Variants in ZFYVE19 observed in about 807,000 individuals in gnomAD.
ZFYVE19 encodes abscission/NoCut checkpoint regulator.
A neutral mutation model predicts 62.8 loss-of-function variants in ZFYVE19; 49 were observed. The observed-to-expected ratio is 0.78, with a 90% CI of 0.62 to 0.99. ZFYVE19 has a LOEUF of 0.99. Among genes scored for constraint, ZFYVE19 ranks in the 50% least tolerant of loss-of-function variants. ZFYVE19 has a pLI of 0.00. For missense variants in ZFYVE19, 630 were observed against 601.9 expected (o/e 1.05, Z -0.49); for synonymous variants, 242 against 234.3 (o/e 1.03, Z -0.30).
In ZFYVE19 at chr15:40,807,442, G is replaced by A. The variant is rs1890279221; in HGVS notation, c.-148G>A. On this transcript the variant is annotated 5_prime_UTR_variant, in exon 1 of 11. Coordinates refer to ENST00000355341, the MANE Select transcript of ZFYVE19 (RefSeq NM_001077268.2). ...CATCTGTAAGAGCTCCTTGGTCACTGCCATGGTTCCGGCCTGACGGATTCG... is the reference window on the plus strand; with the variant it reads ...CATCTGTAAGAGCTCCTTGGTCACTACCATGGTTCCGGCCTGACGGATTCG... The A allele has an allele frequency of 1.2e-6, 2 of 1,614,240 alleles. No individual in the cohort carries two copies. Among genetic ancestry groups the A allele is most frequent in the Non-Finnish European group, 8.5e-7 (1 of 1,180,026 alleles).
intron 6 of ZFYVE19, 22 bp downstream of exon 6, chr15:40,810,779 C>T: frequency 6.4e-7 from 1 of 1,551,950 alleles, no homozygotes; most frequent in Non-Finnish European, 8.7e-7. Context: ...ACTTGGCTCC[C>T]TAGGAATCTG....
rs1431590873 is a variant in ZFYVE19 at position 40,814,487 on chromosome 15, G to A, written c.*261G>A. 1 of 532,802 alleles carries A rather than the reference G, an allele frequency of 1.9e-6. No homozygotes were observed. Among genetic ancestry groups the A allele is most frequent in the African/African-American group, 1.9e-5 (1 of 52,364 alleles). 33.0% of individuals were successfully genotyped at this position (532,802 alleles called of 1,614,324 possible). ...GGGGAGAGACCAGACTGAATCTACG[G>A]GTGAGCCCTGTAACCTGGCTCTAGG... On this transcript the variant is annotated 3_prime_UTR_variant, in exon 11 of 11. Transcript: ENST00000355341.
chr15:40,811,508 C>T (rs549802452), intron 6 of ZFYVE19, among the ~76,000 whole-genome samples: 421 of 152,250 alleles, frequency 2.8e-3, no homozygotes, highest in Middle Eastern at 0.014. Context: ...AAGAATTACC[C>T]GGTCCAAAGT....
intron 1 of ZFYVE19, 116 bp from the exon 2 acceptor site, chr15:40,809,003 C>A: frequency 6.7e-7 from 1 of 1,495,730 alleles, no homozygotes; most frequent in Admixed American, 1.9e-5. Flanking sequence ...CCTCTTCTTC[C>A]TCCCAGCAGC....
rs1890617364 is a variant in ZFYVE19 at position 40,814,767 on chromosome 15, C to G, written c.*541C>G. 1 of 163,184 alleles carries G rather than the reference C, an allele frequency of 6.1e-6. No individual in the cohort carries two copies. Among genetic ancestry groups the G allele is most frequent in the South Asian group, 1.6e-4 (1 of 6,174 alleles). 10.1% of individuals were successfully genotyped at this position (163,184 alleles called of 1,614,324 possible). Reference sequence around the variant, plus strand: ...TGTATTCATTCAACTCAACTGTGCTCCAGCTCTGGGCAGCCCCACTTAGCC... The same window carrying G: ...TGTATTCATTCAACTCAACTGTGCTGCAGCTCTGGGCAGCCCCACTTAGCC... On this transcript the variant is annotated 3_prime_UTR_variant, in exon 11 of 11. Transcript: ENST00000355341.
rs1890395882 is a variant in ZFYVE19 at position 40,809,224 on chromosome 15, C to T, written c.385C>T (p.His129Tyr). The T allele has an allele frequency of 1.9e-6, 3 of 1,614,206 alleles. No homozygotes were observed. The highest frequency in any genetic ancestry group is 1.7e-6 in the Non-Finnish European group (2 of 1,180,038). The stretch of plus-strand genomic sequence containing the variant: ...CCAACAGAAAGTCTGCAAGCAATGC[C>T]ATGAGGTCCTGACCAGGTAAGAGGC... ...NTQQKVCKQCHEVLTRGSSAN... is the reference protein window; with the variant it reads ...NTQQKVCKQCYEVLTRGSSAN... The change falls in exon 2 of 11, where the codon CAT becomes TAT. Residue 129 changes from histidine (H) to tyrosine (Y), a missense_variant. Physicochemically the swap from His to Tyr is moderately conservative, Grantham distance 83. Transcript: ENST00000355341.
At chr15:40,810,795 C>T (rs1421468495) in intron 6 of ZFYVE19, 38 bp downstream of exon 6, 3 of 1,550,122 alleles carry the variant, frequency 1.9e-6, no homozygotes, top group East Asian at 4.9e-5. Flanking sequence ...ATCTGCCCTA[C>T]CTCTTTCCCC....
rs1890618073 is a variant in ZFYVE19, at chr15:40,814,779, A to AG, written c.*554dup. ...ACTCAACTGTGCTCCAGCTCTGGGC[A>AG]GCCCCACTTAGCCACCAGTCCCCAC... On this transcript the variant is annotated 3_prime_UTR_variant, in exon 11 of 11. Transcript: ENST00000355341. 3 of 161,124 alleles carry AG rather than the reference A, an allele frequency of 1.9e-5. No homozygotes were observed. The South Asian group carries it at 5.2e-4, about 28-fold the overall frequency. The allele number at this position is 161,124 out of a possible 1,614,324, so 10.0% of individuals were successfully genotyped here.
At chr15:40,811,597 G>C (rs1268503148) in intron 6 of ZFYVE19, among the ~76,000 whole-genome samples, 7 of 130,136 alleles carry the variant, frequency 5.4e-5, no homozygotes, top group African/African-American at 8.5e-5. Flanking sequence ...TATGAGGCCA[G>C]GTGTGGCTCA....
At chr15:40,810,881 C>G in intron 6 of ZFYVE19, 124 bp downstream of exon 6, 2 of 1,289,668 alleles carry the variant, frequency 1.6e-6, no homozygotes, top group Non-Finnish European at 1.1e-6. Context: ...ATAAGAGTTA[C>G]CATTCATTGA....
In ZFYVE19 at chr15:40,811,472, A is replaced by G. The variant is rs529139139; in HGVS notation, c.826+715A>G. 4.3e-4 allele frequency among the ~76,000 whole-genome samples: 65 copies of G among 152,352 alleles called. 1 individual carries two copies. Among genetic ancestry groups the G allele is most frequent in the African/African-American group, 1.0e-3 (42 of 41,570 alleles). Reference sequence around the variant, plus strand: ...AGCCAGGGATGCTACTAAATCTACTATGTCACAGGACAGCACATCATGATG... The same window carrying G: ...AGCCAGGGATGCTACTAAATCTACTGTGTCACAGGACAGCACATCATGATG... On this transcript the variant is annotated intron_variant, in intron 6 of 10. Coordinates refer to ENST00000355341, the MANE Select transcript of ZFYVE19 (RefSeq NM_001077268.2).
Position 40,814,538 on chromosome 15 carries a change from G to A in ZFYVE19, c.*312G>A, listed in dbSNP as rs985160903. ...GCACAGGCCCCTCCCCTGGCACTTAGTGGGTCTAATAAAGTATGTTGATTC... is the reference window on the plus strand; with the variant it reads ...GCACAGGCCCCTCCCCTGGCACTTAATGGGTCTAATAAAGTATGTTGATTC... On this transcript the variant is annotated 3_prime_UTR_variant, in exon 11 of 11. Coordinates refer to ENST00000355341, the MANE Select transcript of ZFYVE19 (RefSeq NM_001077268.2). 4.1e-5 allele frequency: 18 copies of A among 442,684 alleles called. No homozygotes were observed. The highest frequency in any genetic ancestry group is 1.3e-3 in the Middle Eastern group (2 of 1,518). 27.4% of individuals were successfully genotyped at this position (442,684 alleles called of 1,614,324 possible). A position where few individuals can be genotyped will look rare whatever the true frequency, so the allele number is the denominator to read the frequency against.
chr15:40,814,399 A>T lies in ZFYVE19; in HGVS notation c.*173A>T. 1.3e-6 allele frequency: 1 copy of T among 766,146 alleles called. No homozygotes were observed. The allele number at this position is 766,146 out of a possible 1,614,324, so 47.5% of individuals were successfully genotyped here. A position where few individuals can be genotyped will look rare whatever the true frequency, so the allele number is the denominator to read the frequency against. On this transcript the variant is annotated 3_prime_UTR_variant, in exon 11 of 11. Transcript: ENST00000355341. Reference sequence around the variant, plus strand: ...GAAAGATTCTCCATTCGAGAGAATGACTGGGAGGGAAGAAGTCGGGGCCCT... The same window carrying T: ...GAAAGATTCTCCATTCGAGAGAATGTCTGGGAGGGAAGAAGTCGGGGCCCT...
chr15:40,814,195 A>G lies in ZFYVE19; in HGVS notation c.1385A>G (p.Tyr462Cys), dbSNP rs755913676. The change falls in exon 11 of 11, where the codon TAC (tyrosine) becomes TGC (cysteine). Residue 462 changes from tyrosine to cysteine, a missense_variant. By Grantham distance (194) the Tyr-to-Cys change is radical. Transcript: ENST00000355341. ...CTTAAAGAGCACCAGACATCTGCCTACTCTCCTCCACGTGCAGGCCAAGAG... is the reference window on the plus strand; with the variant it reads ...CTTAAAGAGCACCAGACATCTGCCTGCTCTCCTCCACGTGCAGGCCAAGAG... ...FELKEHQTSAYSPPRAGQEH is the reference protein window; with the variant it reads ...FELKEHQTSACSPPRAGQEH The G allele has an allele frequency of 1.3e-5, 21 of 1,613,888 alleles. No homozygotes were observed. Among genetic ancestry groups the G allele is most frequent in the Non-Finnish European group, 1.6e-5 (19 of 1,180,002 alleles).
chr15:40,814,445 G>A lies in ZFYVE19; in HGVS notation c.*219G>A. ...GCCCTCCTATTAGAAGCCCAGACTG[G>A]AAGTGAGAGGCATGATGGGGAGAGA... On this transcript the variant is annotated 3_prime_UTR_variant, in exon 11 of 11. Coordinates refer to ENST00000355341, the MANE Select transcript of ZFYVE19 (RefSeq NM_001077268.2). 1.7e-6 allele frequency: 1 copy of A among 601,872 alleles called. No homozygotes were observed. The highest frequency in any genetic ancestry group is 2.0e-5 in the South Asian group (1 of 50,934). The allele number at this position is 601,872 out of a possible 1,614,324, so 37.3% of individuals were successfully genotyped here. A position where few individuals can be genotyped will look rare whatever the true frequency, so the allele number is the denominator to read the frequency against.
At position 40,810,693 on chromosome 15, in the gene ZFYVE19, G is replaced by A; in HGVS notation, c.762G>A (p.Gln254=). 1 of 1,577,912 alleles carries A rather than the reference G, an allele frequency of 6.3e-7. No homozygotes were observed. Residue 254 remains glutamine, a synonymous_variant, in exon 6 of 11, where the codon CAG becomes CAA. Coordinates refer to ENST00000355341, the MANE Select transcript of ZFYVE19 (RefSeq NM_001077268.2). ...CCAGGACCCAAGCCCAGCAGACACA[G>A]GATCTGCTAACGCAGCTGGCAGCTG... ...PDTRTQAQQT[Q]DLLTQLAAEV...
At chr15:40,812,935 C>G in intron 7 of ZFYVE19, 33 bp downstream of exon 7, 1 of 1,602,818 alleles carries the variant, frequency 6.2e-7, no homozygotes, top group African/African-American at 1.3e-5. Context: ...TCACTGGTAT[C>G]CCTTGGTCAA....
chr15:40,813,027 A>AG (rs1890546020), intron 7 of ZFYVE19, 125 bp downstream of exon 7: 1 of 1,126,344 alleles, frequency 8.9e-7, no homozygotes, highest in Non-Finnish European at 1.3e-6. Flanking sequence ...GCCACAAGGA[A>AG]GGTGGTAGAG....
At position 40,810,677 on chromosome 15, in the gene ZFYVE19, A is replaced by C; in HGVS notation, c.746A>C (p.Gln249Pro). Residue 249 changes from glutamine (Q) to proline (P), a missense_variant, in exon 6 of 11, where the codon CAA becomes CCA. Gln to Pro is a moderately conservative substitution (Grantham distance 76). Coordinates refer to ENST00000355341, the MANE Select transcript of ZFYVE19 (RefSeq NM_001077268.2). The part of the protein sequence containing the change: ...PAHHTPDTRT[Q>P]AQQTQDLLTQ... ...CATCACACACCGGACACCAGGACCC[A>C]AGCCCAGCAGACACAGGATCTGCTA... The C allele has an allele frequency of 1.3e-6, 2 of 1,575,716 alleles. No individual in the cohort carries two copies. Among genetic ancestry groups the C allele is most frequent in the Non-Finnish European group, 1.7e-6 (2 of 1,160,486 alleles).
Sources: gnomAD v4.1 joint callset for allele counts (sites outside exome capture counted in the v4.1 genomes callset) on GRCh38, gnomAD v4.1.1 for gene constraint, MANE v1.5 for transcripts, NCBI Gene and HGNC (gene_info 2026-07-23, HGNC 2026-07-21) for gene names.